PDE11A: variants seen among roughly 807,000 people sequenced by gnomAD.
The protein encoded by PDE11A is phosphodiesterase 11A.
PDE11A carries 100 observed loss-of-function variants against 100.5 expected under a neutral mutation model. That is an observed-to-expected ratio of 1.00 (90% CI 0.85 to 1.18). PDE11A has a LOEUF of 1.18. Ranked by LOEUF, PDE11A falls within the 50% of genes most tolerant of loss-of-function variation. The pLI, the probability that PDE11A is intolerant of heterozygous loss-of-function variation, is 0.00. For synonymous variants in PDE11A, 381 were observed against 420.8 expected (o/e 0.91, Z 1.16); for missense variants, 1,141 against 1,152.6 (o/e 0.99, Z 0.15).
intron 2 of PDE11A, among the ~76,000 whole-genome samples, chr2:177,951,895 T>C (rs2085509099): frequency 6.6e-6 from 1 of 152,176 alleles, no homozygotes; most frequent in Non-Finnish European, 1.5e-5. Flanking sequence ...GAGGATTGTT[T>C]AGGGGAAAAA....
chr2:177,629,512 A>T lies in PDE11A; in HGVS notation c.2697T>A (p.Ala899=). Reference sequence around the variant, plus strand: ...GCTCTTCCCACTTACTTCTGTTTGTAGCTACTGAATCTAGCATCGGCTTCA... The same window carrying T: ...GCTCTTCCCACTTACTTCTGTTTGTTGCTACTGAATCTAGCATCGGCTTCA... ...VKLKPMLDSV[A]TNRSKWEELH... is the part of the protein sequence containing the mutation. The change falls in exon 20 of 20, where the codon GCT becomes GCA. Residue 899 remains alanine, a synonymous_variant. Transcript: ENST00000286063. 1 of 1,608,272 alleles carries T rather than the reference A, an allele frequency of 6.2e-7. No individual in the cohort carries two copies. Among genetic ancestry groups the T allele is most frequent in the Non-Finnish European group, 8.5e-7 (1 of 1,176,630 alleles).
At chr2:178,005,682 T>G (rs2086200478) in intron 2 of PDE11A, among the ~76,000 whole-genome samples, 1 of 152,188 alleles carries the variant, frequency 6.6e-6, no homozygotes, top group Admixed American at 6.5e-5. Flanking sequence ...ACGCAATAAA[T>G]AGTGAATGAA....
chr2:177,668,838 T>C (rs1313945407), intron 18 of PDE11A, among the ~76,000 whole-genome samples: 1 of 152,198 alleles, frequency 6.6e-6, no homozygotes, highest in Non-Finnish European at 1.5e-5. Flanking sequence ...CATTGGGTTA[T>C]ATGTTTTTAG....
At chr2:177,641,242 A>G (rs2080137189) in intron 19 of PDE11A, among the ~76,000 whole-genome samples, 1 of 152,184 alleles carries the variant, frequency 6.6e-6, no homozygotes, top group South Asian at 2.1e-4. Flanking sequence ...AGAAAAGAGT[A>G]TTGTGGTAGT....
At position 177,979,633 on chromosome 2, in the gene PDE11A, CAG is replaced by C. The variant is rs1318515181; in HGVS notation, c.1071+34667_1071+34668del. ...GATCTTTTTTTTTTTTTTTTTGAGA[CAG>C]AGTCTCACTCTGTCGCCCAGCCTGG... is the stretch of plus-strand genomic sequence containing the variant. On this transcript the variant is annotated intron_variant, in intron 2 of 19. Transcript: ENST00000286063. Among the ~76,000 whole-genome samples, 12 of 40,286 alleles carry C rather than the reference CAG, an allele frequency of 3.0e-4. No individual in the cohort carries two copies. In the African/African-American group the frequency reaches 6.0e-3, roughly 20 times the overall value. The allele number at this position is 40,286 out of a possible 152,430, so 26.4% of individuals were successfully genotyped here.
chr2:177,961,354 C>A (rs565090147), intron 2 of PDE11A, among the ~76,000 whole-genome samples: 1 of 152,244 alleles, frequency 6.6e-6, no homozygotes, highest in Non-Finnish European at 1.5e-5. Context: ...TGCCCTGACA[C>A]CCCAGCCTGC....
At chr2:177,750,788 T>C (rs1192502150) in intron 10 of PDE11A, among the ~76,000 whole-genome samples, 2 of 152,228 alleles carry the variant, frequency 1.3e-5, no homozygotes, top group African/African-American at 4.8e-5. Flanking sequence ...ATTATTTGAG[T>C]ACCAAAACAC....
chr2:177,921,491 A>C (rs2105754314), intron 2 of PDE11A, among the ~76,000 whole-genome samples: 2 of 150,384 alleles, frequency 1.3e-5, no homozygotes, highest in Middle Eastern at 6.8e-3. Context: ...AAAAGAAAAA[A>C]AACATGTTTA....
At chr2:177,772,659 C>T (rs2082326009) in intron 9 of PDE11A, among the ~76,000 whole-genome samples, 1 of 151,360 alleles carries the variant, frequency 6.6e-6, no homozygotes, top group African/African-American at 2.4e-5. Context: ...ATCTATGCCA[C>T]CAGGTGGTGC....
At chr2:177,750,992 G>T (rs2105476920) in intron 10 of PDE11A, among the ~76,000 whole-genome samples, 1 of 152,146 alleles carries the variant, frequency 6.6e-6, no homozygotes, top group South Asian at 2.1e-4. Flanking sequence ...TGACATCCAG[G>T]TATTGGTATT....
At chr2:178,030,290 T>C (rs1428960840) in intron 1 of PDE11A, among the ~76,000 whole-genome samples, 1 of 152,034 alleles carries the variant, frequency 6.6e-6, no homozygotes, top group Non-Finnish European at 1.5e-5. Context: ...ATTTGAAAAG[T>C]TAGATGAAAT....
chr2:177,711,824 C>A lies in PDE11A; in HGVS notation c.2098G>T (p.Gly700Ter). The A allele has an allele frequency of 6.2e-7, 1 of 1,613,098 alleles. No homozygotes were observed. The highest frequency in any genetic ancestry group is 8.5e-7 in the Non-Finnish European group (1 of 1,179,104). Residue 700 changes from glycine (G) to a stop codon, truncating the protein, a stop_gained, in exon 13 of 20, where the codon GGA (glycine) becomes TGA (stop). Transcript: ENST00000286063. LOFTEE classifies it high-confidence loss of function. ...TEVEILAVIV[G>*]CLCHDLDHRG... The stretch of plus-strand genomic sequence containing the variant: ...TGGTCGAGGTCATGACACAGGCATC[C>A]CACAATCACCGCTAAAATTTCCACC...
intron 19 of PDE11A, among the ~76,000 whole-genome samples, chr2:177,652,605 C>T (rs1235910591): frequency 6.6e-6 from 1 of 151,924 alleles, no homozygotes; most frequent in Non-Finnish European, 1.5e-5. Flanking sequence ...TGACATGGAG[C>T]CTTGAGGATG....
At chr2:178,011,425 T>C (rs1020553404) in intron 2 of PDE11A, among the ~76,000 whole-genome samples, 23 of 152,144 alleles carry the variant, frequency 1.5e-4, no homozygotes, top group African/African-American at 4.6e-4. Flanking sequence ...ATCTCTCATA[T>C]AGAAGACCAG....
chr2:177,965,506 CT>C (rs2085687485), intron 2 of PDE11A, among the ~76,000 whole-genome samples: 1 of 152,028 alleles, frequency 6.6e-6, no homozygotes, highest in African/African-American at 2.4e-5. Flanking sequence ...TTACATTTAA[CT>C]TTTTAATCCA....
At chr2:177,647,979 G>T (rs1480914397) in intron 19 of PDE11A, among the ~76,000 whole-genome samples, 3 of 152,002 alleles carry the variant, frequency 2.0e-5, no homozygotes, top group African/African-American at 7.3e-5. Flanking sequence ...TGGTGTGGTG[G>T]TGTGCACCTG....
chr2:177,996,468 C>CAT (rs36051210), intron 2 of PDE11A, among the ~76,000 whole-genome samples: 2,345 of 145,708 alleles, frequency 0.016, 41 homozygotes, highest in East Asian at 0.044. Context: ...TACATATATA[C>CAT]ATATATATAT....
chr2:178,071,996 GT>G lies in PDE11A; in HGVS notation c.441del (p.Glu147AspfsTer3), dbSNP rs2087139043. 6 of 1,613,946 alleles carry G rather than the reference GT, an allele frequency of 3.7e-6. No individual in the cohort carries two copies. In the East Asian group the frequency reaches 1.1e-4, roughly 30 times the overall value. ...YDEQVTSRAQ[E>X]PLSSVRRRAL... is the part of the protein sequence containing the mutation. ...GCCCTCCGTCGTACACTACTCAGGG[GT>G]TCCTGAGCCCGGGAGGTCACCTGTT... On this transcript the variant is annotated frameshift_variant, in exon 1 of 20. Coordinates refer to ENST00000286063, the MANE Select transcript of PDE11A (RefSeq NM_016953.4). LOFTEE classifies it high-confidence loss of function.
intron 9 of PDE11A, among the ~76,000 whole-genome samples, chr2:177,775,202 T>A (rs183497479): frequency 8.7e-4 from 132 of 152,264 alleles, no homozygotes; most frequent in Non-Finnish European, 1.4e-3. Context: ...GACCTGAGGA[T>A]TGTAAGATAA....
Sources: allele counts gnomAD v4.1 joint callset (sites outside exome capture counted in the v4.1 genomes callset), GRCh38; gene constraint gnomAD v4.1.1; transcripts MANE v1.5; gene names NCBI Gene and HGNC (gene_info 2026-07-23, HGNC 2026-07-21).